Variants in NOL4 observed in about 807,000 individuals in gnomAD.
NOL4 encodes cancer/testis antigen 125.
Under a neutral mutation model 75.9 loss-of-function variants are expected in NOL4, and 17 were observed. The ratio of observed to expected loss-of-function variants is 0.22; its 90% CI spans 0.15 to 0.34. The LOEUF is 0.34. Ranked by LOEUF, NOL4 falls within the 10% of genes least tolerant of loss-of-function variation. The probability of loss-of-function intolerance (pLI) is 1.00; values close to 1 mark genes in which losing one functional copy is unlikely to be tolerated. For synonymous variants in NOL4, 292 were observed against 289.9 expected (o/e 1.01, Z -0.07); for missense variants, 614 against 793.5 (o/e 0.77, Z 2.72).
chr18:34,115,086 G>A (rs2079786723), intron 2 of NOL4, among the ~76,000 whole-genome samples: 1 of 152,114 alleles, frequency 6.6e-6, no homozygotes, highest in Non-Finnish European at 1.5e-5. Flanking sequence ...GAGCAGCCTG[G>A]AAGATCAGGC....
intron 10 of NOL4, among the ~76,000 whole-genome samples, chr18:33,856,892 T>C (rs2062862170): frequency 6.6e-6 from 1 of 152,092 alleles, no homozygotes; most frequent in Non-Finnish European, 1.5e-5. Context: ...AAAAGCTTTT[T>C]TCTTAATTGA....
chr18:33,892,124 A>T (rs907621491), intron 9 of NOL4, among the ~76,000 whole-genome samples: 11 of 152,142 alleles, frequency 7.2e-5, no homozygotes, highest in Admixed American at 5.2e-4. Context: ...CACTGGAAGC[A>T]AATTTTAACA....
intron 10 of NOL4, among the ~76,000 whole-genome samples, chr18:33,870,342 A>G (rs1382913417): frequency 1.3e-5 from 2 of 152,022 alleles, no homozygotes; most frequent in South Asian, 4.1e-4. Context: ...GCTGGGGTGA[A>G]TAGGGAGTAG....
Position 34,223,409 on chromosome 18 carries a change from G to A in NOL4, c.-156C>T, listed in dbSNP as rs1199722828. ...TGGGTGGGGGAAGGGATGGGAAGAG[G>A]GGAGGAGGGTCCGGTTGGGCACCAG... is the stretch of plus-strand genomic sequence containing the variant. On this transcript the variant is annotated 5_prime_UTR_variant, in exon 1 of 11. Transcript: ENST00000261592. 7 of 1,044,216 alleles carry A rather than the reference G, an allele frequency of 6.7e-6. No homozygotes were observed. The highest frequency in any genetic ancestry group is 9.5e-6 in the Non-Finnish European group (7 of 736,170). The allele number at this position is 1,044,216 out of a possible 1,614,324, so 64.7% of individuals were successfully genotyped here. A position where few individuals can be genotyped will look rare whatever the true frequency, so the allele number is the denominator to read the frequency against.
intron 2 of NOL4, among the ~76,000 whole-genome samples, chr18:34,120,219 C>T (rs939188849): frequency 2.6e-5 from 4 of 152,070 alleles, no homozygotes; most frequent in Admixed American, 2.0e-4. Context: ...TAGGTGGAAG[C>T]AATTATTGGA....
chr18:34,114,256 A>C (rs1316007982), intron 2 of NOL4, among the ~76,000 whole-genome samples: 1 of 152,172 alleles, frequency 6.6e-6, no homozygotes, highest in Non-Finnish European at 1.5e-5. Context: ...TCACTTGAAA[A>C]TGTATTCTTA....
At chr18:34,175,500 C>G (rs941233821) in intron 1 of NOL4, among the ~76,000 whole-genome samples, 1 of 152,092 alleles carries the variant, frequency 6.6e-6, no homozygotes, top group Non-Finnish European at 1.5e-5. Flanking sequence ...TCCAGATGAC[C>G]ACACATGTAC....
intron 9 of NOL4, among the ~76,000 whole-genome samples, chr18:33,910,648 ATC>A (rs1022995676): frequency 1.1e-4 from 16 of 152,072 alleles, no homozygotes; most frequent in Non-Finnish European, 1.8e-4. Context: ...TATTATTAAT[ATC>A]TCTCTCCTGC....
intron 5 of NOL4, among the ~76,000 whole-genome samples, chr18:34,059,122 C>CATATATATATATATATATATAT (rs55773398): frequency 4.2e-5 from 5 of 118,214 alleles, no homozygotes; most frequent in Admixed American, 9.4e-5. Context: ...GATAGATATA[C>CATATATATATATATATATATAT]ATATATATAT....
intron 9 of NOL4, among the ~76,000 whole-genome samples, chr18:33,888,774 C>G (rs919239447): frequency 2.6e-5 from 4 of 151,962 alleles, no homozygotes; most frequent in Non-Finnish European, 4.4e-5. Context: ...TTTCCTTTGT[C>G]CATATATCTG....
chr18:33,907,947 T>C (rs1274604774), intron 9 of NOL4, among the ~76,000 whole-genome samples: 2 of 152,190 alleles, frequency 1.3e-5, no homozygotes, highest in East Asian at 1.9e-4. Context: ...ATAAAAACAA[T>C]ATATGCCACT....
At chr18:33,945,480 A>G (rs2068774148) in intron 8 of NOL4, among the ~76,000 whole-genome samples, 1 of 151,682 alleles carries the variant, frequency 6.6e-6, no homozygotes, top group African/African-American at 2.4e-5. Flanking sequence ...TTACTACTCA[A>G]CTTCTACTAA....
At chr18:34,221,767 G>C (rs1379672726) in intron 1 of NOL4, among the ~76,000 whole-genome samples, 2 of 151,804 alleles carry the variant, frequency 1.3e-5, no homozygotes, top group East Asian at 1.9e-4. Context: ...AAACCTAAAA[G>C]ACCCTTCCAA....
chr18:33,886,924 A>G (rs1474418188), intron 9 of NOL4, among the ~76,000 whole-genome samples: 1 of 113,686 alleles, frequency 8.8e-6, no homozygotes, highest in Non-Finnish European at 2.0e-5. Flanking sequence ...ATATACATAT[A>G]TATCTATATA....
chr18:33,956,021 A>G lies in NOL4; in HGVS notation c.1428+1305T>C, dbSNP rs528150298. ...AAATACATGTATGCACCTTGGTGAA[A>G]GAGTCTCATAATGCAAATTCAGGAA... On this transcript the variant is annotated intron_variant, in intron 8 of 10. Coordinates refer to ENST00000261592, the MANE Select transcript of NOL4 (RefSeq NM_003787.5). 5.9e-5 allele frequency among the ~76,000 whole-genome samples: 9 copies of G among 152,228 alleles called. No individual in the cohort carries two copies. In the South Asian group the frequency reaches 1.9e-3, roughly 32 times the overall value.
chr18:33,886,351 A>T (rs540495805), intron 9 of NOL4, among the ~76,000 whole-genome samples: 15 of 151,890 alleles, frequency 9.9e-5, no homozygotes, highest in Non-Finnish European at 1.9e-4. Flanking sequence ...AACATGGGAA[A>T]ACCCCGTCTC....
chr18:33,887,027 CTAGA>C (rs2064759759), intron 9 of NOL4, among the ~76,000 whole-genome samples: 1 of 134,034 alleles, frequency 7.5e-6, no homozygotes, highest in African/African-American at 2.8e-5. Context: ...ATCTATATAT[CTAGA>C]TATATTATAT....
At chr18:33,926,891 C>T (rs1201325177) in intron 9 of NOL4, among the ~76,000 whole-genome samples, 2 of 152,170 alleles carry the variant, frequency 1.3e-5, no homozygotes, top group Non-Finnish European at 2.9e-5. Flanking sequence ...AGCCACCGGG[C>T]CTGGCCAAGA....
At chr18:34,145,751 GA>G (rs2081371078) in intron 1 of NOL4, among the ~76,000 whole-genome samples, 1 of 151,772 alleles carries the variant, frequency 6.6e-6, no homozygotes, top group African/African-American at 2.4e-5. Flanking sequence ...TTTTTAACTT[GA>G]AATACTTCAA....
Sources: allele counts gnomAD v4.1 joint callset (sites outside exome capture counted in the v4.1 genomes callset), GRCh38; gene constraint gnomAD v4.1.1; transcripts MANE v1.5; gene names NCBI Gene and HGNC (gene_info 2026-07-23, HGNC 2026-07-21).